AK8: variants seen among roughly 807,000 people sequenced by gnomAD.
AK8 encodes the protein adenylate kinase 8.
Under a neutral mutation model 54.6 loss-of-function variants are expected in AK8, and 44 were observed. The ratio of observed to expected loss-of-function variants is 0.81; its 90% CI spans 0.63 to 1.04. The LOEUF (loss-of-function observed/expected upper bound fraction) is 1.04, where lower values mean the gene tolerates loss of function less well. AK8 is among the 50% of genes least tolerant of loss of function. The probability of loss-of-function intolerance (pLI) is 0.00; values close to 1 mark genes in which losing one functional copy is unlikely to be tolerated. For missense variants in AK8, 555 were observed against 613.6 expected, an observed-to-expected ratio of 0.90 and a Z score of 1.01; for synonymous variants, 239 against 245.6, an observed-to-expected ratio of 0.97 and a Z score of 0.25.
intron 10 of AK8, among the ~76,000 whole-genome samples, chr9:132,808,213 T>C (rs1314172194): frequency 3.3e-5 from 5 of 152,222 alleles, no homozygotes; most frequent in Non-Finnish European, 7.3e-5. Flanking sequence ...CTGTTTATCG[T>C]ATGCAGAGCA....
In AK8 at chr9:132,778,170, C is replaced by G. The variant is rs138412048; in HGVS notation, c.1121+14464G>C. 2.0e-3 allele frequency among the ~76,000 whole-genome samples: 299 copies of G among 152,262 alleles called. 2 individuals carry two copies. Among genetic ancestry groups the G allele is most frequent in the African/African-American group, 5.9e-3 (244 of 41,536 alleles). The stretch of plus-strand genomic sequence containing the variant: ...TCTTCCAAGAGAAAAGGCACCATGG[C>G]GCACACAGTCAATGATATGTATTCC... On this transcript the variant is annotated intron_variant, in intron 11 of 12. Transcript: ENST00000298545.
At chr9:132,835,845 C>T (rs763537817) in intron 5 of AK8, among the ~76,000 whole-genome samples, 8 of 152,144 alleles carry the variant, frequency 5.3e-5, no homozygotes, top group Non-Finnish European at 8.8e-5. Flanking sequence ...AAAATTAGGC[C>T]AGGCGCAGTG....
In AK8 at chr9:132,792,649, C is replaced by T. The variant is rs1390269905; in HGVS notation, c.1106G>A (p.Gly369Asp). 6.4e-7 allele frequency: 1 copy of T among 1,553,592 alleles called. No individual in the cohort carries two copies. The highest frequency in any genetic ancestry group is 8.7e-7 in the Non-Finnish European group (1 of 1,149,110). Reference sequence around the variant, plus strand: ...GGCAGCTCACCTGTTGGGATTGTAGCCCAGGCGGTTCAGCAGGTGTGCCTG... The same window carrying T: ...GGCAGCTCACCTGTTGGGATTGTAGTCCAGGCGGTTCAGCAGGTGTGCCTG... Reference protein sequence around the residue: ...LDQAHLLNRLGYNPNRVFFLN... With the variant: ...LDQAHLLNRLDYNPNRVFFLN... The change falls in exon 11 of 13, where the codon GGC (glycine) becomes GAC (aspartate). Residue 369 changes from glycine to aspartate, a missense_variant. Transcript: ENST00000298545.
intron 11 of AK8, among the ~76,000 whole-genome samples, chr9:132,750,315 C>T (rs1298054404): frequency 6.6e-6 from 1 of 151,956 alleles, no homozygotes; most frequent in Non-Finnish European, 1.5e-5. Context: ...GATGGGGTTT[C>T]ACCATGTTGG....
At chr9:132,802,663 C>T (rs1472862933) in intron 10 of AK8, among the ~76,000 whole-genome samples, 1 of 152,212 alleles carries the variant, frequency 6.6e-6, no homozygotes, top group Non-Finnish European at 1.5e-5. Context: ...CACACTATCC[C>T]TGCAGATGCA....
At chr9:132,859,653 C>G (rs1273036571) in intron 4 of AK8, among the ~76,000 whole-genome samples, 1 of 151,812 alleles carries the variant, frequency 6.6e-6, no homozygotes, top group Non-Finnish European at 1.5e-5. Context: ...TCCCCGTCTC[C>G]TCCCCCTCCT....
Position 132,875,166 on chromosome 9 carries a change from C to T in AK8, c.118G>A (p.Glu40Lys), listed in dbSNP as rs771154027. The T allele has an allele frequency of 9.9e-6, 16 of 1,614,022 alleles. No homozygotes were observed. The highest frequency in any genetic ancestry group is 5.3e-5 in the African/African-American group (4 of 74,908). ...TGGATCATGAAGGGGATGGGATCTT[C>T]GGGCTGGTGGATCAGGAGTTGCTCC... Reference protein sequence around the residue: ...MLEQLLIHQPEDPIPFMIQHL... With the variant: ...MLEQLLIHQPKDPIPFMIQHL... Residue 40 changes from glutamate to lysine, a missense_variant, in exon 2 of 13, where the codon GAA becomes AAA. Physicochemically the swap from Glu to Lys is moderately conservative, Grantham distance 56. Coordinates refer to ENST00000298545, the MANE Select transcript of AK8 (RefSeq NM_152572.3).
chr9:132,798,301 C>T lies in AK8; in HGVS notation c.980-5526G>A, dbSNP rs1021662291. On this transcript the variant is annotated intron_variant, in intron 10 of 12. Transcript: ENST00000298545. ...TCTCTGAGGCTCGGTGTCTGTTTTG[C>T]TGTGGCTTGTTTGGATTTTCCTGCC... 2.6e-5 allele frequency among the ~76,000 whole-genome samples: 4 copies of T among 152,308 alleles called. 1 individual carries two copies.
intron 5 of AK8, among the ~76,000 whole-genome samples, chr9:132,849,395 G>C (rs145634025): frequency 1.3e-5 from 2 of 152,084 alleles, no homozygotes; most frequent in Admixed American, 6.6e-5. Context: ...TGTTGTGTAC[G>C]GCTGCCTTTG....
chr9:132,765,496 C>T (rs998259273), intron 11 of AK8, among the ~76,000 whole-genome samples: 1 of 150,260 alleles, frequency 6.7e-6, no homozygotes, highest in African/African-American at 2.5e-5. Flanking sequence ...AAACCCTTAA[C>T]AAGCTGGGGA....
At chr9:132,844,657 A>C (rs1004778846) in intron 5 of AK8, among the ~76,000 whole-genome samples, 2 of 152,248 alleles carry the variant, frequency 1.3e-5, no homozygotes, top group Non-Finnish European at 2.9e-5. Context: ...AAAGGTTAGA[A>C]GAAAGTTTAA....
At chr9:132,877,839 C>T (rs1457849221) in intron 1 of AK8, 5 of 574,544 alleles carry the variant, frequency 8.7e-6, no homozygotes, top group Middle Eastern at 2.7e-4. Flanking sequence ...CTCTTGCAAC[C>T]TGGCATTTCA....
intron 11 of AK8, among the ~76,000 whole-genome samples, chr9:132,780,319 C>A (rs769570455): frequency 5.3e-4 from 80 of 152,206 alleles, no homozygotes; most frequent in Admixed American, 1.7e-3. Flanking sequence ...ACAGGCTTGG[C>A]CCCAGCAGAC....
At position 132,839,802 on chromosome 9, in the gene AK8, A is replaced by G. The variant is rs374129544; in HGVS notation, c.403-11076T>C. Among the ~76,000 whole-genome samples the G allele has an allele frequency of 1.9e-3, 249 of 134,542 alleles. 5 individuals are homozygous for G. The South Asian group carries it at 0.059, about 32-fold the overall frequency. 88.3% of individuals were successfully genotyped at this position (134,542 alleles called of 152,430 possible). ...ATACCTGAAACTGTGTAAATTGTAA[A>G]GAAAACATTTTTTTTGCCGGGGGGG... On this transcript the variant is annotated intron_variant, in intron 5 of 12. Coordinates refer to ENST00000298545, the MANE Select transcript of AK8 (RefSeq NM_152572.3).
intron 5 of AK8, among the ~76,000 whole-genome samples, chr9:132,841,300 G>A (rs919006552): frequency 6.6e-6 from 1 of 152,196 alleles, no homozygotes. Flanking sequence ...AGCCACGTGT[G>A]GAGCCCATAA....
At chr9:132,865,211 G>A (rs929970882) in intron 3 of AK8, among the ~76,000 whole-genome samples, 1 of 152,200 alleles carries the variant, frequency 6.6e-6, no homozygotes. Flanking sequence ...TGATATGGAG[G>A]AATCTAATAG....
intron 10 of AK8, among the ~76,000 whole-genome samples, chr9:132,812,686 C>G (rs489061): frequency 0.28 from 42,763 of 152,042 alleles, 6,170 homozygotes; most frequent in East Asian, 0.49. Context: ...TCCTGCCACC[C>G]GGAAGCCTGG....
chr9:132,815,150 C>T (rs1282069258), intron 9 of AK8, among the ~76,000 whole-genome samples: 1 of 152,242 alleles, frequency 6.6e-6, no homozygotes. Flanking sequence ...TCCACATTTG[C>T]ACCCTTGTTA....
At chr9:132,841,574 G>C (rs1431686277) in intron 5 of AK8, among the ~76,000 whole-genome samples, 2 of 152,206 alleles carry the variant, frequency 1.3e-5, no homozygotes, top group Non-Finnish European at 2.9e-5. Context: ...GCTGAAGCCT[G>C]ACCTGCCAGT....
Sources: allele counts gnomAD v4.1 joint callset (sites outside exome capture counted in the v4.1 genomes callset), GRCh38; gene constraint gnomAD v4.1.1; transcripts MANE v1.5; gene names NCBI Gene and HGNC (gene_info 2026-07-23, HGNC 2026-07-21).